The following NTNG2 variants were observed in gnomAD, a reference collection of about 807,000 sequenced individuals.
The protein encoded by NTNG2 is netrin-G2.
In NTNG2, 15 loss-of-function variants were observed where a neutral mutation model predicts 47.6. The ratio of observed to expected loss-of-function variants is 0.32; its 90% CI spans 0.21 to 0.49. The LOEUF (loss-of-function observed/expected upper bound fraction) is 0.49. NTNG2 is among the 20% of genes least tolerant of loss of function. The pLI, the probability that NTNG2 is intolerant of heterozygous loss-of-function variation, is 0.99. For missense variants in NTNG2, 578 were observed against 764.6 expected (o/e 0.76, Z 2.88); for synonymous variants, 307 against 324.6 (o/e 0.95, Z 0.58).
chr9:132,241,826 G>A, intron 7 of NTNG2, 50 bp from the exon 8 acceptor site: 1 of 1,373,658 alleles, frequency 7.3e-7, no homozygotes, highest in Non-Finnish European at 9.8e-7. Flanking sequence ...CTCGGAGGTT[G>A]GCGGGGGGAC....
rs1184101679 is a variant in NTNG2, at chr9:132,236,049, C to T, written c.1055-3055C>T. ...AGGGCTTCGGAGTCTGGTAGAGGCC[C>T]CGCCTCCCACGACAGGAACCCCCCT... is the stretch of plus-strand genomic sequence containing the variant. On this transcript the variant is annotated intron_variant, in intron 5 of 7. Coordinates refer to ENST00000393229, the MANE Select transcript of NTNG2 (RefSeq NM_032536.4). This position sits in a 1 kb window ranked among gnomAD's most constrained non-coding sequence, Gnocchi z 4.3. Among the ~76,000 whole-genome samples, 4 of 152,346 alleles carry T rather than the reference C, an allele frequency of 2.6e-5. No homozygotes were observed. The highest frequency in any genetic ancestry group is 9.6e-5 in the African/African-American group (4 of 41,580).
At chr9:132,219,437 GT>G (rs1840205349) in intron 3 of NTNG2, among the ~76,000 whole-genome samples, 1 of 151,710 alleles carries the variant, frequency 6.6e-6, no homozygotes, top group Non-Finnish European at 1.5e-5. Context: ...GCTAGATGTG[GT>G]GGTGGGTGCC....
At chr9:132,177,805 T>G (rs1037382961) in intron 2 of NTNG2, among the ~76,000 whole-genome samples, 10 of 152,098 alleles carry the variant, frequency 6.6e-5, no homozygotes, top group African/African-American at 2.4e-4. Flanking sequence ...TTACAGGCAC[T>G]AGCCAGCACG....
Position 132,215,587 on chromosome 9 carries a change from G to A in NTNG2, c.858-11262G>A, listed in dbSNP as rs1839911515. ...AAAGCGAGATTCCATCTCAAAATAA[G>A]TAAATAAATAAAGGATAAATATCTG... On this transcript the variant is annotated intron_variant, in intron 3 of 7. Transcript: ENST00000393229. The surrounding 1 kb of genome is among the most constrained non-coding windows in gnomAD (Gnocchi z 4.2). 6.6e-6 allele frequency among the ~76,000 whole-genome samples: 1 copy of A among 152,146 alleles called. No homozygotes were observed. The highest frequency in any genetic ancestry group is 1.5e-5 in the Non-Finnish European group (1 of 68,024).
At chr9:132,192,505 C>T (rs1183940387) in intron 2 of NTNG2, among the ~76,000 whole-genome samples, 1 of 152,198 alleles carries the variant, frequency 6.6e-6, no homozygotes. Flanking sequence ...GCAGGAGTAT[C>T]GCTTGAACCC....
intron 5 of NTNG2, among the ~76,000 whole-genome samples, chr9:132,234,463 G>A (rs1348432675): frequency 6.6e-6 from 1 of 152,182 alleles, no homozygotes; most frequent in African/African-American, 2.4e-5. Context: ...TGTGTCCCTG[G>A]GCAGCCAAGC....
chr9:132,211,077 G>A lies in NTNG2; in HGVS notation c.857+12468G>A, dbSNP rs188184999. Among the ~76,000 whole-genome samples, 34 of 152,266 alleles carry A rather than the reference G, an allele frequency of 2.2e-4. 1 individual carries two copies. The East Asian group carries it at 5.0e-3, about 22-fold the overall frequency. On this transcript the variant is annotated intron_variant, in intron 3 of 7. Transcript: ENST00000393229. ...ACAGACGCGGACCCACAGGGTGAGC[G>A]GAGGCCTCCGCAGCAGCCCGGGGTT...
rs1355347969 is a variant in NTNG2, at chr9:132,226,638, G to T, written c.858-211G>T. Among the ~76,000 whole-genome samples, 1 of 152,258 alleles carries T rather than the reference G, an allele frequency of 6.6e-6. No homozygotes were observed. Among genetic ancestry groups the T allele is most frequent in the African/African-American group, 2.4e-5 (1 of 41,468 alleles). Reference sequence around the variant, plus strand: ...GAGGAGAGCCGCGCAGTGACTGCAGGTGTGGCCTTTGGAACACGGCGTTGA... The same window carrying T: ...GAGGAGAGCCGCGCAGTGACTGCAGTTGTGGCCTTTGGAACACGGCGTTGA... On this transcript the variant is annotated intron_variant, in intron 3 of 7. Transcript: ENST00000393229. This position sits in a 1 kb window ranked among gnomAD's most constrained non-coding sequence, Gnocchi z 4.8.
rs1837642241 is a variant in NTNG2 at position 132,189,068 on chromosome 9, C to CTTTTTTTTTTGTTTTT, written c.214-8888_214-8887insGTTTTTTTTTTTTTTT. Among the ~76,000 whole-genome samples the CTTTTTTTTTTGTTTTT allele has an allele frequency of 2.1e-5, 2 of 93,232 alleles. 1 individual carries two copies. The highest frequency in any genetic ancestry group is 4.1e-5 in the Non-Finnish European group (2 of 48,532). 61.2% of individuals were successfully genotyped at this position (93,232 alleles called of 152,430 possible). A position where few individuals can be genotyped will look rare whatever the true frequency, so the allele number is the denominator to read the frequency against. The stretch of plus-strand genomic sequence containing the variant: ...TATGTGAAAAAGGCTTTAAGCCTTT[C>CTTTTTTTTTTGTTTTT]TTTTTTTTTTTTTTTTTTTTTTTTT... On this transcript the variant is annotated intron_variant, in intron 2 of 7. Coordinates refer to ENST00000393229, the MANE Select transcript of NTNG2 (RefSeq NM_032536.4).
chr9:132,214,055 G>C (rs376256128), intron 3 of NTNG2, among the ~76,000 whole-genome samples: 1 of 152,192 alleles, frequency 6.6e-6, no homozygotes, highest in Admixed American at 6.5e-5. Context: ...CCTTTGCAGA[G>C]AGCCAGCCCT....
intron 5 of NTNG2, among the ~76,000 whole-genome samples, chr9:132,235,069 C>T (rs1810887): frequency 0.53 from 80,664 of 151,944 alleles, 21,704 homozygotes; most frequent in African/African-American, 0.61. Context: ...CGTTGTGTCA[C>T]TGGTTCATGC....
At chr9:132,181,314 C>G (rs1306709459) in intron 2 of NTNG2, among the ~76,000 whole-genome samples, 1 of 143,892 alleles carries the variant, frequency 6.9e-6, no homozygotes, top group East Asian at 2.1e-4. Context: ...AACTCCTGGG[C>G]TCACTTTCTT....
intron 3 of NTNG2, among the ~76,000 whole-genome samples, chr9:132,217,726 A>G (rs1275727635): frequency 6.6e-6 from 1 of 152,124 alleles, no homozygotes; most frequent in East Asian, 1.9e-4. Flanking sequence ...CAACAACTCC[A>G]TGAGGCAGGT....
rs1279025671 is a variant in NTNG2 at position 132,226,493 on chromosome 9, A to G, written c.858-356A>G. On this transcript the variant is annotated intron_variant, in intron 3 of 7. Transcript: ENST00000393229. The surrounding 1 kb of genome is among the most constrained non-coding windows in gnomAD (Gnocchi z 4.8). The stretch of plus-strand genomic sequence containing the variant: ...CCTCTGTCACCCATCAACCCACATC[A>G]GTCAAAGGCTAGGGTGATCAGAAGC... Among the ~76,000 whole-genome samples the G allele has an allele frequency of 6.6e-6, 1 of 152,216 alleles. No individual in the cohort carries two copies. Among genetic ancestry groups the G allele is most frequent in the Non-Finnish European group, 1.5e-5 (1 of 68,032 alleles).
At chr9:132,178,776 A>T (rs1836687531) in intron 2 of NTNG2, among the ~76,000 whole-genome samples, 1 of 132,210 alleles carries the variant, frequency 7.6e-6, no homozygotes, top group East Asian at 2.2e-4. Flanking sequence ...CCCCATCTCT[A>T]CTAAAAATAC....
At chr9:132,229,360 G>A (rs1337073833) in intron 4 of NTNG2, among the ~76,000 whole-genome samples, 2 of 152,022 alleles carry the variant, frequency 1.3e-5, no homozygotes, top group Non-Finnish European at 2.9e-5. Context: ...CTTGACTGGA[G>A]ACCCTCCTCC....
At chr9:132,178,249 C>T (rs1403485924) in intron 2 of NTNG2, among the ~76,000 whole-genome samples, 1 of 151,714 alleles carries the variant, frequency 6.6e-6, no homozygotes, top group East Asian at 1.9e-4. Flanking sequence ...GACTTGGATT[C>T]TCAGAGCAGG....
At chr9:132,213,740 G>A (rs1049745827) in intron 3 of NTNG2, among the ~76,000 whole-genome samples, 3 of 152,172 alleles carry the variant, frequency 2.0e-5, no homozygotes, top group Admixed American at 6.5e-5. Context: ...AGATAAATGC[G>A]CTATCTGGCA....
rs75846942 is a variant in NTNG2 at position 132,176,907 on chromosome 9, A to C, written c.213+9863A>C. On this transcript the variant is annotated intron_variant, in intron 2 of 7. Coordinates refer to ENST00000393229, the MANE Select transcript of NTNG2 (RefSeq NM_032536.4). ...AGGATGAGCCTAGTGGGTGTGGGGC[A>C]GTATCCCATTATGGTCTTGATTTGC... Among the ~76,000 whole-genome samples, 7 of 152,328 alleles carry C rather than the reference A, an allele frequency of 4.6e-5. No homozygotes were observed. In the East Asian group the frequency reaches 1.3e-3, roughly 29 times the overall value.
Sources: gnomAD v4.1 joint callset for allele counts (sites outside exome capture counted in the v4.1 genomes callset) on GRCh38, gnomAD v4.1.1 for gene constraint, Gnocchi (gnomAD v3.1) non-coding constraint, MANE v1.5 for transcripts, NCBI Gene and HGNC (gene_info 2026-07-23, HGNC 2026-07-21) for gene names.